The following TMIGD3 variants were observed in gnomAD, a reference collection of about 807,000 sequenced individuals.
TMIGD3 encodes transmembrane and immunoglobulin domain containing 3.
A neutral mutation model predicts 28.1 loss-of-function variants in TMIGD3; 21 were observed. The observed-to-expected ratio is 0.75, with a 90% CI of 0.53 to 1.08. TMIGD3 has a LOEUF of 1.08. TMIGD3 is among the 50% of genes least tolerant of loss of function. TMIGD3 has a pLI of 0.00. For synonymous variants in TMIGD3, 151 were observed against 162.1 expected, an observed-to-expected ratio of 0.93 and a Z score of 0.52; for missense variants, 416 against 435.6, an observed-to-expected ratio of 0.96 and a Z score of 0.40.
In TMIGD3 at chr1:111,487,780, G is replaced by C. The variant is rs966717244; in HGVS notation, c.805+897C>G. On this transcript the variant is annotated intron_variant, in intron 3 of 5. Coordinates refer to ENST00000369716, the MANE Select transcript of TMIGD3 (RefSeq NM_020683.7). ...AGCAAAATAGGGTGCTTACTAGTTG[G>C]ACCATGAAATTTATATCTGTAAATT... Among the ~76,000 whole-genome samples, 102 of 152,244 alleles carry C rather than the reference G, an allele frequency of 6.7e-4. 1 individual carries two copies. Among genetic ancestry groups the C allele is most frequent in the African/African-American group, 2.3e-3 (95 of 41,536 alleles).
At position 111,488,753 on chromosome 1, in the gene TMIGD3, C is replaced by T; in HGVS notation, c.729G>A (p.Arg243=). The change falls in exon 3 of 6, where the codon AGG becomes AGA. Residue 243 remains arginine, a synonymous_variant. Coordinates refer to ENST00000369716, the MANE Select transcript of TMIGD3 (RefSeq NM_020683.7). Reference sequence around the variant, plus strand: ...TCAGCTCTGTAAAATCCATGTCATCCCTGGCAAAGTCCCGCTGGATGCCAC... The same window carrying T: ...TCAGCTCTGTAAAATCCATGTCATCTCTGGCAAAGTCCCGCTGGATGCCAC... The part of the protein sequence containing the change: ...YWCGIQRDFA[R]DDMDFTELIV... 1 of 1,614,210 alleles carries T rather than the reference C, an allele frequency of 6.2e-7. No homozygotes were observed. Among genetic ancestry groups the T allele is most frequent in the Non-Finnish European group, 8.5e-7 (1 of 1,180,038 alleles).
rs771789710 is a variant in TMIGD3, at chr1:111,485,738, AC to A, written c.973+1del. On this transcript the variant is annotated splice_donor_variant, in intron 5 of 5. Transcript: ENST00000369716. LOFTEE classifies it high-confidence loss of function. ...CCCCCTCCCTCAACAATAGCTACTT[AC>A]CCCTTCTATTCCTTTGACTTCTCCT... The A allele has an allele frequency of 5.1e-6, 8 of 1,568,944 alleles. No individual in the cohort carries two copies. In the African/African-American group the frequency reaches 8.6e-5, roughly 17 times the overall value.
At chr1:111,506,962 T>C (rs897392792), upstream of TMIGD3, among the ~76,000 whole-genome samples, 9 of 146,750 alleles carry the variant, frequency 6.1e-5, no homozygotes, top group East Asian at 2.0e-4. Context: ...CACATATATA[T>C]ATACACACAC....
upstream of TMIGD3, among the ~76,000 whole-genome samples, chr1:111,507,943 C>T (rs1428985367): frequency 2.0e-5 from 3 of 152,336 alleles, no homozygotes; most frequent in East Asian, 3.9e-4. Flanking sequence ...GGCTTTCCCG[C>T]GCCGGGGGCT....
At chr1:111,510,712 G>T (rs1655661208) in intron 1 of TMIGD3, among the ~76,000 whole-genome samples, 2 of 152,124 alleles carry the variant, frequency 1.3e-5, no homozygotes, top group South Asian at 4.1e-4. Flanking sequence ...AGTGTGCAAG[G>T]TATAAGAAAT....
intron 1 of TMIGD3, among the ~76,000 whole-genome samples, chr1:111,497,767 G>A (rs1252916524): frequency 3.9e-5 from 6 of 152,206 alleles, no homozygotes; most frequent in Admixed American, 1.3e-4. Context: ...AGGACAGAAC[G>A]CTGTTTTGTC....
chr1:111,529,942 G>A (rs1656398317), intron 1 of TMIGD3, among the ~76,000 whole-genome samples: 1 of 147,116 alleles, frequency 6.8e-6, no homozygotes, highest in Non-Finnish European at 1.5e-5. Context: ...CCCAGTAGGG[G>A]CGGCCGGGCA....
At chr1:111,523,221 G>T (rs989903188) in intron 1 of TMIGD3, among the ~76,000 whole-genome samples, 2 of 152,088 alleles carry the variant, frequency 1.3e-5, no homozygotes, top group Non-Finnish European at 2.9e-5. Context: ...ACTGTTTTCT[G>T]CATCTATTGA....
At chr1:111,526,204 T>A (rs1656255115) in intron 1 of TMIGD3, among the ~76,000 whole-genome samples, 1 of 152,154 alleles carries the variant, frequency 6.6e-6, no homozygotes, top group Admixed American at 6.5e-5. Flanking sequence ...ACACAATCTC[T>A]CTGATATGGT....
chr1:111,522,795 C>T (rs1316917030), intron 1 of TMIGD3, among the ~76,000 whole-genome samples: 1 of 152,090 alleles, frequency 6.6e-6, no homozygotes, highest in East Asian at 1.9e-4. Context: ...GGATTACAGG[C>T]GTGAGCCACC....
chr1:111,538,585 C>A (rs543734101), intron 1 of TMIGD3, among the ~76,000 whole-genome samples: 16 of 152,290 alleles, frequency 1.1e-4, no homozygotes, highest in African/African-American at 3.8e-4. Flanking sequence ...TGCCAGGAAC[C>A]AAGCCCACTG....
At chr1:111,504,875 G>A (rs1470831223), upstream of TMIGD3, 49 of 984,916 alleles carry the variant, frequency 5.0e-5, no homozygotes, top group Admixed American at 6.2e-5. Context: ...ACTTGTCCCC[G>A]CCAGACTTGT....
At chr1:111,556,443 T>G (rs1037322054) in intron 1 of TMIGD3, among the ~76,000 whole-genome samples, 19 of 152,314 alleles carry the variant, frequency 1.2e-4, no homozygotes, top group African/African-American at 3.1e-4. Flanking sequence ...AACAGATATT[T>G]GTACACCCAT....
chr1:111,529,653 C>T (rs1210523968), intron 1 of TMIGD3, among the ~76,000 whole-genome samples: 1 of 150,946 alleles, frequency 6.6e-6, no homozygotes, highest in African/African-American at 2.4e-5. Context: ...TGAGTGGATA[C>T]AGCACATGTT....
intron 1 of TMIGD3, among the ~76,000 whole-genome samples, chr1:111,556,826 A>G (rs766234021): frequency 6.6e-6 from 1 of 152,148 alleles, no homozygotes; most frequent in Non-Finnish European, 1.5e-5. Flanking sequence ...GGTAGTAATG[A>G]TTGCACAACA....
upstream of TMIGD3, chr1:111,504,767 G>A (rs1655420221): frequency 4.3e-6 from 3 of 703,366 alleles, no homozygotes; most frequent in Admixed American, 1.9e-4. Context: ...GCTCATCAGG[G>A]TCCTCTTGTT....
intron 1 of TMIGD3, among the ~76,000 whole-genome samples, chr1:111,552,787 T>A (rs1657322288): frequency 6.6e-6 from 1 of 152,196 alleles, no homozygotes; most frequent in Non-Finnish European, 1.5e-5. Flanking sequence ...TTTTTATGCC[T>A]CAGTTTTAAC....
At chr1:111,499,405 C>T (rs1389005444) in intron 1 of TMIGD3, 4 of 988,380 alleles carry the variant, frequency 4.0e-6, no homozygotes, top group South Asian at 9.3e-5. Flanking sequence ...CCCCAAGTTA[C>T]CCCAGCAAAG....
intron 1 of TMIGD3, among the ~76,000 whole-genome samples, chr1:111,531,961 A>C (rs1188684780): frequency 6.6e-6 from 1 of 152,184 alleles, no homozygotes; most frequent in African/African-American, 2.4e-5. Context: ...AAGGAAAAAA[A>C]CTTTGTTAGA....
Sources: gnomAD v4.1 joint callset for allele counts (sites outside exome capture counted in the v4.1 genomes callset) on GRCh38, gnomAD v4.1.1 for gene constraint, MANE v1.5 for transcripts, NCBI Gene and HGNC (gene_info 2026-07-23, HGNC 2026-07-21) for gene names.